RASAL2: variants seen among roughly 807,000 people sequenced by gnomAD.
RASAL2 encodes the protein RAS protein activator like 2, also known as ras GTPase-activating protein nGAP.
RASAL2 carries 58 observed loss-of-function variants against 128.9 expected under a neutral mutation model. That is an observed-to-expected ratio of 0.45 (90% CI 0.36 to 0.56). The LOEUF is 0.56. RASAL2 is among the 20% of genes least tolerant of loss of function. RASAL2 has a pLI of 0.00. For missense variants in RASAL2, 1,360 were observed against 1,601.6 expected, an observed-to-expected ratio of 0.85 and a Z score of 2.57; for synonymous variants, 561 against 580.8, an observed-to-expected ratio of 0.97 and a Z score of 0.49.
intron 1 of RASAL2, among the ~76,000 whole-genome samples, chr1:178,188,212 A>G (rs138063819): frequency 4.9e-4 from 74 of 151,888 alleles, no homozygotes; most frequent in Non-Finnish European, 7.8e-4. Flanking sequence ...TCTCTTTGTA[A>G]CTCCCTTTTC....
At position 178,122,313 on chromosome 1, in the gene RASAL2, G is replaced by T. The variant is rs141155936; in HGVS notation, c.202+27619G>T. ...ACGACAAGTATGGGATTGTTTATAT[G>T]TCTTATAAAGCCAACACTGGAGTGT... is the stretch of plus-strand genomic sequence containing the variant. On this transcript the variant is annotated intron_variant, in intron 1 of 17. Coordinates refer to ENST00000367649, the MANE Select transcript of RASAL2 (RefSeq NM_170692.4). 8.5e-4 allele frequency among the ~76,000 whole-genome samples: 130 copies of T among 152,288 alleles called. 1 individual carries two copies. The East Asian group carries it at 0.021, about 24-fold the overall frequency.
intron 14 of RASAL2, among the ~76,000 whole-genome samples, chr1:178,464,054 A>G (rs1647382633): frequency 6.6e-6 from 1 of 152,194 alleles, no homozygotes; most frequent in Non-Finnish European, 1.5e-5. Flanking sequence ...TGCCTCTTGG[A>G]TATGATATAT....
At chr1:178,205,078 C>T (rs932917058) in intron 1 of RASAL2, among the ~76,000 whole-genome samples, 10 of 152,184 alleles carry the variant, frequency 6.6e-5, no homozygotes, top group Non-Finnish European at 4.4e-5. Context: ...GATCTTGGCT[C>T]AGTGCAACCT....
chr1:178,318,988 G>C (rs367593072), intron 3 of RASAL2, among the ~76,000 whole-genome samples: 2 of 151,976 alleles, frequency 1.3e-5, no homozygotes, highest in African/African-American at 4.8e-5. Flanking sequence ...GGGCAGACCT[G>C]GTGGTGACAA....
At chr1:178,112,546 T>G (rs531216345) in intron 1 of RASAL2, among the ~76,000 whole-genome samples, 170 of 151,698 alleles carry the variant, frequency 1.1e-3, no homozygotes, top group African/African-American at 3.4e-3. Flanking sequence ...CGAGACTCCA[T>G]CTCAAAAAAA....
chr1:178,211,998 C>G (rs149209943), intron 1 of RASAL2, among the ~76,000 whole-genome samples: 2 of 152,128 alleles, frequency 1.3e-5, no homozygotes, highest in South Asian at 4.1e-4. Flanking sequence ...ATGAATGTTA[C>G]GGCTTGAGCA....
chr1:178,205,044 G>A lies in RASAL2; in HGVS notation c.203-78520G>A, dbSNP rs139023975. On this transcript the variant is annotated intron_variant, in intron 1 of 17. Transcript: ENST00000367649. The stretch of plus-strand genomic sequence containing the variant: ...CTGTGAGACAGAGTCTTGCTCTGTC[G>A]CCCAGGCTGGAGTACAGTGGCATGA... Among the ~76,000 whole-genome samples, 894 of 152,176 alleles carry A rather than the reference G, an allele frequency of 5.9e-3. 13 individuals are homozygous for A. Among genetic ancestry groups the A allele is most frequent in the African/African-American group, 0.02 (812 of 41,514 alleles).
At chr1:178,472,948 T>C (rs191097711) in intron 17 of RASAL2, 127 bp from the exon 18 acceptor site, 5 of 1,084,260 alleles carry the variant, frequency 4.6e-6, no homozygotes, top group Non-Finnish European at 6.7e-6. Flanking sequence ...GGCAGAGACG[T>C]TCCATTTGTC....
intron 3 of RASAL2, among the ~76,000 whole-genome samples, chr1:178,365,459 ATG>A (rs1671348715): frequency 6.6e-6 from 1 of 151,432 alleles, no homozygotes. Flanking sequence ...ATGTTATGTT[ATG>A]TTATGTTATG....
chr1:178,179,826 C>T (rs771011409), intron 1 of RASAL2, among the ~76,000 whole-genome samples: 7 of 152,198 alleles, frequency 4.6e-5, no homozygotes, highest in Non-Finnish European at 8.8e-5. Flanking sequence ...CACTGCTACA[C>T]ACAAAGCAGC....
intron 3 of RASAL2, among the ~76,000 whole-genome samples, chr1:178,364,174 A>C (rs1671276118): frequency 6.6e-6 from 1 of 151,996 alleles, no homozygotes; most frequent in African/African-American, 2.4e-5. Flanking sequence ...TACACAATTT[A>C]CTTAACTCTG....
At chr1:178,113,889 T>A (rs1659433143) in intron 1 of RASAL2, among the ~76,000 whole-genome samples, 1 of 152,180 alleles carries the variant, frequency 6.6e-6, no homozygotes, top group African/African-American at 2.4e-5. Flanking sequence ...ATCTGATACA[T>A]CTTTTGTTGG....
chr1:178,368,162 T>C (rs1475331172), intron 3 of RASAL2, among the ~76,000 whole-genome samples: 1 of 152,226 alleles, frequency 6.6e-6, no homozygotes, highest in African/African-American at 2.4e-5. Context: ...CTGTGGAATA[T>C]GGATTAGTAT....
intron 1 of RASAL2, among the ~76,000 whole-genome samples, chr1:178,223,448 A>T (rs1466623599): frequency 6.6e-6 from 1 of 152,184 alleles, no homozygotes; most frequent in Non-Finnish European, 1.5e-5. Flanking sequence ...AGAGAACAGG[A>T]TGAGCAAGAG....
chr1:178,387,629 GT>G (rs971690839), intron 3 of RASAL2, among the ~76,000 whole-genome samples: 1 of 151,778 alleles, frequency 6.6e-6, no homozygotes, highest in African/African-American at 2.4e-5. Flanking sequence ...GCAGTGTTTG[GT>G]TTTTTGTCCT....
At position 178,094,349 on chromosome 1, in the gene RASAL2, G is replaced by A. The variant is rs1402474909; in HGVS notation, c.-144G>A. On this transcript the variant is annotated 5_prime_UTR_variant, in exon 1 of 18. The change creates a new upstream start codon in the 5' untranslated region. Coordinates refer to ENST00000367649, the MANE Select transcript of RASAL2 (RefSeq NM_170692.4). ...CGGGCAGTGGGCGACGGGGAAGGAG[G>A]TGAGAGGTGTCCGCGCCGGCTGCCG... 4 of 722,010 alleles carry A rather than the reference G, an allele frequency of 5.5e-6. No individual in the cohort carries two copies. Among genetic ancestry groups the A allele is most frequent in the South Asian group, 2.0e-5 (1 of 50,302 alleles). 44.7% of individuals were successfully genotyped at this position (722,010 alleles called of 1,614,324 possible). A position where few individuals can be genotyped will look rare whatever the true frequency, so the allele number is the denominator to read the frequency against.
intron 2 of RASAL2, among the ~76,000 whole-genome samples, chr1:178,287,275 C>T (rs1667071967): frequency 6.6e-6 from 1 of 151,848 alleles, no homozygotes; most frequent in South Asian, 2.1e-4. Flanking sequence ...CTGCAAACCT[C>T]ATATCAGCCC....
At chr1:178,180,508 A>AAAAAAAAAAAAAAC (rs1662061434) in intron 1 of RASAL2, among the ~76,000 whole-genome samples, 1 of 107,470 alleles carries the variant, frequency 9.3e-6, no homozygotes, top group African/African-American at 3.1e-5. Context: ...AAAAAAAAAA[A>AAAAAAAAAAAAAAC]ACCCACAAAA....
Position 178,467,315 on chromosome 1 carries a change from C to G in RASAL2, c.3591-19C>G. On this transcript the variant is annotated intron_variant, in intron 16 of 17. Coordinates refer to ENST00000367649, the MANE Select transcript of RASAL2 (RefSeq NM_170692.4). ...CCTTTCTTTGAAGATGTTGATATTTCCTTCCTGCCACATTCTAGGCTAATG... is the reference window on the plus strand; with the variant it reads ...CCTTTCTTTGAAGATGTTGATATTTGCTTCCTGCCACATTCTAGGCTAATG... 6.2e-7 allele frequency: 1 copy of G among 1,604,984 alleles called. No individual in the cohort carries two copies.
Sources: allele counts gnomAD v4.1 joint callset (sites outside exome capture counted in the v4.1 genomes callset), GRCh38; gene constraint gnomAD v4.1.1; transcripts MANE v1.5; gene names NCBI Gene and HGNC (gene_info 2026-07-23, HGNC 2026-07-21).